Variants in HCN1 observed in about 807,000 individuals in gnomAD.
HCN1 encodes the protein hyperpolarization activated cyclic nucleotide gated potassium channel 1.
HCN1 carries 13 observed loss-of-function variants against 78.9 expected under a neutral mutation model. The observed-to-expected ratio is 0.16, with a 90% CI of 0.11 to 0.26. HCN1 has a LOEUF of 0.26. HCN1 is among the 10% of genes least tolerant of loss of function. The pLI, the probability that HCN1 is intolerant of heterozygous loss-of-function variation, is 1.00. For missense variants in HCN1, 810 were observed against 1,154.3 expected (o/e 0.70, Z 4.32); for synonymous variants, 552 against 455.5 (o/e 1.21, Z -2.70).
At chr5:45,522,615 T>G (rs1282429425) in intron 2 of HCN1, among the ~76,000 whole-genome samples, 1 of 150,016 alleles carries the variant, frequency 6.7e-6, no homozygotes, top group African/African-American at 2.5e-5. Flanking sequence ...TTTTTTTTTT[T>G]GTTTTGTTTT....
chr5:45,524,334 G>C lies in HCN1; in HGVS notation c.850-62327C>G, dbSNP rs539417318. 1.7e-3 allele frequency among the ~76,000 whole-genome samples: 260 copies of C among 152,186 alleles called. 1 individual carries two copies. The highest frequency in any genetic ancestry group is 5.9e-3 in the African/African-American group (244 of 41,522). The stretch of plus-strand genomic sequence containing the variant: ...TGTTCTTTTGGCTTAGGATTGACTT[G>C]GCGATGAGGGCTCTTTTTTGGTTCC... On this transcript the variant is annotated intron_variant, in intron 2 of 7. Coordinates refer to ENST00000303230, the MANE Select transcript of HCN1 (RefSeq NM_021072.4).
At chr5:45,552,444 C>T (rs1206663309) in intron 2 of HCN1, among the ~76,000 whole-genome samples, 2 of 151,882 alleles carry the variant, frequency 1.3e-5, no homozygotes, top group Non-Finnish European at 2.9e-5. Flanking sequence ...AACTGTGGAA[C>T]AAAAAACTTA....
chr5:45,675,336 G>T (rs1026037014), intron 1 of HCN1, among the ~76,000 whole-genome samples: 1 of 151,574 alleles, frequency 6.6e-6, no homozygotes, highest in Non-Finnish European at 1.5e-5. Flanking sequence ...ACCTTTGTTG[G>T]CTGTTCCTTC....
chr5:45,530,023 T>C (rs771095359), intron 2 of HCN1, among the ~76,000 whole-genome samples: 2 of 152,162 alleles, frequency 1.3e-5, no homozygotes, highest in Non-Finnish European at 2.9e-5. Context: ...TTCTTATCTG[T>C]ATTTCTATGT....
intron 1 of HCN1, among the ~76,000 whole-genome samples, chr5:45,685,451 T>C (rs1257564275): frequency 1.3e-5 from 2 of 152,164 alleles, no homozygotes; most frequent in African/African-American, 2.4e-5. Context: ...CAGTGTCTCA[T>C]GCCTGTAACG....
chr5:45,692,958 T>C (rs947949862), intron 1 of HCN1, among the ~76,000 whole-genome samples: 2 of 152,196 alleles, frequency 1.3e-5, no homozygotes, highest in African/African-American at 4.8e-5. Flanking sequence ...CCACTCTTCA[T>C]AGAAATTACT....
chr5:45,497,477 G>C (rs1186816843), intron 2 of HCN1, among the ~76,000 whole-genome samples: 1 of 152,092 alleles, frequency 6.6e-6, no homozygotes, highest in Non-Finnish European at 1.5e-5. Context: ...TGTCTCTTTT[G>C]ATCTTTGTTG....
intron 4 of HCN1, among the ~76,000 whole-genome samples, chr5:45,377,961 C>G (rs1242127379): frequency 6.6e-6 from 1 of 151,836 alleles, no homozygotes; most frequent in Non-Finnish European, 1.5e-5. Context: ...TATCCTCAAC[C>G]AGTACTATAC....
intron 2 of HCN1, among the ~76,000 whole-genome samples, chr5:45,603,151 G>A (rs1248957316): frequency 1.3e-5 from 2 of 151,992 alleles, no homozygotes; most frequent in African/African-American, 4.8e-5. Flanking sequence ...AATATTGTAG[G>A]TGATAACCCA....
intron 5 of HCN1, among the ~76,000 whole-genome samples, chr5:45,349,594 T>C (rs1746839154): frequency 6.6e-6 from 1 of 152,034 alleles, no homozygotes; most frequent in Non-Finnish European, 1.5e-5. Flanking sequence ...AGCTGGTTTT[T>C]TGAAAGGATC....
intron 2 of HCN1, among the ~76,000 whole-genome samples, chr5:45,527,592 T>G (rs1167835921): frequency 3.3e-5 from 5 of 151,076 alleles, no homozygotes; most frequent in East Asian, 2.0e-4. Context: ...ATCATTCTCA[T>G]TCTCTCTCTC....
At chr5:45,288,116 A>G (rs1745303380) in intron 6 of HCN1, among the ~76,000 whole-genome samples, 1 of 152,018 alleles carries the variant, frequency 6.6e-6, no homozygotes, top group South Asian at 2.1e-4. Flanking sequence ...ACTCTTAACC[A>G]GTATCCTCTC....
At chr5:45,276,382 T>A (rs758813203) in intron 6 of HCN1, among the ~76,000 whole-genome samples, 17 of 152,096 alleles carry the variant, frequency 1.1e-4, no homozygotes, top group Non-Finnish European at 2.4e-4. Flanking sequence ...GCAAAGCAGG[T>A]TAGGATTTAG....
At chr5:45,405,069 G>A (rs1021162985) in intron 3 of HCN1, among the ~76,000 whole-genome samples, 1 of 152,234 alleles carries the variant, frequency 6.6e-6, no homozygotes, top group East Asian at 1.9e-4. Context: ...GGTGAAATTA[G>A]AAAGCCATGA....
intron 6 of HCN1, among the ~76,000 whole-genome samples, chr5:45,301,085 T>A (rs1470248682): frequency 6.6e-6 from 1 of 152,012 alleles, no homozygotes; most frequent in East Asian, 1.9e-4. Context: ...TTTGATAAAG[T>A]TAAAAAAATT....
At chr5:45,400,399 T>C (rs1739769135) in intron 3 of HCN1, among the ~76,000 whole-genome samples, 1 of 146,750 alleles carries the variant, frequency 6.8e-6, no homozygotes, top group Non-Finnish European at 1.5e-5. Flanking sequence ...AAATGCTTTT[T>C]TTTTTTTTTT....
chr5:45,476,751 A>C (rs539738339), intron 2 of HCN1, among the ~76,000 whole-genome samples: 2 of 152,226 alleles, frequency 1.3e-5, no homozygotes, highest in East Asian at 3.9e-4. Context: ...CTAATATGAA[A>C]ATCTGAAATG....
intron 2 of HCN1, among the ~76,000 whole-genome samples, chr5:45,626,670 G>C (rs536286904): frequency 1.6e-4 from 25 of 152,032 alleles, no homozygotes; most frequent in South Asian, 1.2e-3. Context: ...GAAGGACCAA[G>C]CGTCAAAAAA....
chr5:45,476,669 G>T (rs1741522926), intron 2 of HCN1, among the ~76,000 whole-genome samples: 1 of 151,920 alleles, frequency 6.6e-6, no homozygotes, highest in Admixed American at 6.6e-5. Context: ...ATCATGCTGG[G>T]GCATAATTGC....
Sources: allele counts gnomAD v4.1 joint callset (sites outside exome capture counted in the v4.1 genomes callset), GRCh38; gene constraint gnomAD v4.1.1; transcripts MANE v1.5; gene names NCBI Gene and HGNC (gene_info 2026-07-23, HGNC 2026-07-21).